Variants in MPO observed in about 807,000 individuals in gnomAD.
MPO encodes myeloperoxidase.
MPO carries 57 observed loss-of-function variants against 69.4 expected under a neutral mutation model. That is an observed-to-expected ratio of 0.82 (90% CI 0.66 to 1.02). The LOEUF is 1.02. Among genes scored for constraint, MPO ranks in the 50% least tolerant of loss-of-function variants. MPO has a pLI of 0.00. For missense variants in MPO, 971 were observed against 1,014.1 expected (o/e 0.96, Z 0.58); for synonymous variants, 426 against 417.1 (o/e 1.02, Z -0.26).
In MPO at chr17:58,275,392, GGT is replaced by G; in HGVS notation, c.1365+148_1365+149del. 1.0e-6 allele frequency: 1 copy of G among 966,118 alleles called. No individual in the cohort carries two copies. Among genetic ancestry groups the G allele is most frequent in the African/African-American group, 1.6e-5 (1 of 62,018 alleles). The allele number at this position is 966,118 out of a possible 1,614,324, so 59.8% of individuals were successfully genotyped here. A position where few individuals can be genotyped will look rare whatever the true frequency, so the allele number is the denominator to read the frequency against. ...TTTGTCAAGCACTTACTATCTGAAAGGTGTTTTCATATATGTATTATAATCCT... is the reference window on the plus strand; with the variant it reads ...TTTGTCAAGCACTTACTATCTGAAAGGTTTTCATATATGTATTATAATCCT... On this transcript the variant is annotated intron_variant, in intron 8 of 11. Transcript: ENST00000225275. This position sits in a 1 kb window ranked among gnomAD's most constrained non-coding sequence, Gnocchi z 4.1.
In MPO at chr17:58,270,381, A is replaced by G. The variant is rs908362662; in HGVS notation, c.*275T>C. On this transcript the variant is annotated 3_prime_UTR_variant, in exon 12 of 12. Coordinates refer to ENST00000225275, the MANE Select transcript of MPO (RefSeq NM_000250.2). The surrounding 1 kb of genome is among the most constrained non-coding windows in gnomAD (Gnocchi z 4.1). ...TCACCAGTCCGCTCTGCTGCCTTCC[A>G]CATACTCAGTATTCTCATCAGCACA... 25 of 467,996 alleles carry G rather than the reference A, an allele frequency of 5.3e-5. No homozygotes were observed. Among genetic ancestry groups the G allele is most frequent in the African/African-American group, 4.3e-4 (22 of 51,042 alleles). The allele number at this position is 467,996 out of a possible 1,614,324, so 29.0% of individuals were successfully genotyped here.
intron 11 of MPO, among the ~76,000 whole-genome samples, 176 bp from the exon 12 acceptor site, chr17:58,271,039 T>A (rs558446572): frequency 6.6e-6 from 1 of 152,254 alleles, no homozygotes; most frequent in East Asian, 1.9e-4. Flanking sequence ...GATGCTCCAC[T>A]CATCGTGCAG....
chr17:58,278,068 C>A lies in MPO; in HGVS notation c.963G>T (p.Gly321=). 6.2e-7 allele frequency: 1 copy of A among 1,612,260 alleles called. No homozygotes were observed. Among genetic ancestry groups the A allele is most frequent in the East Asian group, 2.2e-5 (1 of 44,878 alleles). The part of the protein sequence containing the change: ...PFFRSCPACP[G]SNITIRNQIN... ...TCTGGTTGCGGATGGTGATGTTGCT[C>A]CCGGGGCAAGCCGGGCAGGAGCGGA... The change falls in exon 7 of 12, where the codon GGG becomes GGT. Residue 321 remains glycine (G), a synonymous_variant. Transcript: ENST00000225275.
At chr17:58,278,934 C>G in intron 6 of MPO, 74 bp downstream of exon 6, 1 of 1,499,196 alleles carries the variant, frequency 6.7e-7, no homozygotes, top group Non-Finnish European at 9.0e-7. Flanking sequence ...AACCTGGGCA[C>G]AGAAGGGAGA....
chr17:58,272,801 C>G lies in MPO; in HGVS notation c.1739G>C (p.Gly580Ala). 6.2e-7 allele frequency: 1 copy of G among 1,614,162 alleles called. No individual in the cohort carries two copies. Among genetic ancestry groups the G allele is most frequent in the Non-Finnish European group, 8.5e-7 (1 of 1,180,042 alleles). The change falls in exon 10 of 12, where the codon GGG (glycine) becomes GCG (alanine). Residue 580 changes from glycine (G) to alanine (A), a missense_variant. Transcript: ENST00000225275. ...CATGTTCAGAGCAGGCAGGTCCAGCCCAATCCTCATGACCTGCTCAAACAA... is the reference window on the plus strand; with the variant it reads ...CATGTTCAGAGCAGGCAGGTCCAGCGCAATCCTCATGACCTGCTCAAACAA... ...ERLFEQVMRI[G>A]LDLPALNMQR... is the part of the protein sequence containing the mutation.
chr17:58,280,171 C>G, intron 2 of MPO, 157 bp from the exon 3 acceptor site: 2 of 1,079,522 alleles, frequency 1.9e-6, no homozygotes, highest in South Asian at 2.7e-5. Flanking sequence ...GGTGTCCAGA[C>G]AGAGGCAAGG....
In MPO at chr17:58,271,650, C is replaced by T; in HGVS notation, c.2030+5G>A. ...CAGCGGCCCACGACGCCTGCCCCTC[C>T]TCACCGATCACCATCCCGGAGCTTC... On this transcript the variant is annotated splice_donor_5th_base_variant and intron_variant, in intron 11 of 11. Transcript: ENST00000225275. 1 of 1,613,698 alleles carries T rather than the reference C, an allele frequency of 6.2e-7. No individual in the cohort carries two copies. Among genetic ancestry groups the T allele is most frequent in the Non-Finnish European group, 8.5e-7 (1 of 1,179,994 alleles).
chr17:58,273,341 C>T, intron 9 of MPO, 73 bp downstream of exon 9: 2 of 1,610,916 alleles, frequency 1.2e-6, no homozygotes, highest in Non-Finnish European at 1.7e-6. Flanking sequence ...CACCCTAGCT[C>T]CCTAGAGCCA....
rs768739218 is a variant in MPO, at chr17:58,279,388, A to G, written c.587T>C (p.Val196Ala). 3 of 1,605,696 alleles carry G rather than the reference A, an allele frequency of 1.9e-6. No homozygotes were observed. The highest frequency in any genetic ancestry group is 1.3e-5 in the African/African-American group (1 of 74,974). The change falls in exon 5 of 12, where the codon GTG becomes GCG. Residue 196 changes from valine (V) to alanine (A), a missense_variant. Val to Ala is a moderately conservative substitution (Grantham distance 64, BLOSUM62 0). Transcript: ENST00000225275. ...CTCATACTCCGCCGGCAGCCAGCGCACAAAGGCACGGTTGGAGGCCCCCAG... is the reference window on the plus strand; with the variant it reads ...CTCATACTCCGCCGGCAGCCAGCGCGCAAAGGCACGGTTGGAGGCCCCCAG... ...PTLGASNRAF[V>A]RWLPAEYEDG...
intron 8 of MPO, among the ~76,000 whole-genome samples, chr17:58,273,885 T>A (rs531670280): frequency 4.2e-4 from 64 of 152,306 alleles, no homozygotes; most frequent in Non-Finnish European, 7.6e-4. Flanking sequence ...GCTGGCTGGG[T>A]GACCTTGGAC....
chr17:58,274,180 C>T (rs1431179836), intron 8 of MPO: 2 of 501,316 alleles, frequency 4.0e-6, no homozygotes, highest in South Asian at 2.9e-5. Context: ...GAACGAAGGG[C>T]CATTCTGGCA....
rs566980622 is a variant in MPO, at chr17:58,280,587, C to T, written c.154+18G>A. On this transcript the variant is annotated intron_variant, in intron 1 of 11. Coordinates refer to ENST00000225275, the MANE Select transcript of MPO (RefSeq NM_000250.2). Reference sequence around the variant, plus strand: ...ACCACCCCAACACACCATCTTCTCCCACCTTGGGAACTGTTACCTGGAGCA... The same window carrying T: ...ACCACCCCAACACACCATCTTCTCCTACCTTGGGAACTGTTACCTGGAGCA... The T allele has an allele frequency of 3.7e-5, 60 of 1,614,200 alleles. No homozygotes were observed. The highest frequency in any genetic ancestry group is 2.8e-4 in the Admixed American group (17 of 60,030).
intron 2 of MPO, 158 bp from the exon 3 acceptor site, chr17:58,280,172 A>C: frequency 9.3e-7 from 1 of 1,076,108 alleles, no homozygotes; most frequent in South Asian, 1.4e-5. Flanking sequence ...GTGTCCAGAC[A>C]GAGGCAAGGC....
intron 6 of MPO, 92 bp downstream of exon 6, chr17:58,278,916 G>C: frequency 6.9e-7 from 1 of 1,442,438 alleles, no homozygotes; most frequent in Non-Finnish European, 9.4e-7. Flanking sequence ...TCAGCGTCTG[G>C]GAAAGGAAAC....
In MPO at chr17:58,275,009, T is replaced by A. The variant is rs1034416937; in HGVS notation, c.1365+533A>T. 2.6e-5 allele frequency among the ~76,000 whole-genome samples: 4 copies of A among 151,354 alleles called. No individual in the cohort carries two copies. Among genetic ancestry groups the A allele is most frequent in the Admixed American group, 1.3e-4 (2 of 15,200 alleles). On this transcript the variant is annotated intron_variant, in intron 8 of 11. Transcript: ENST00000225275. The surrounding 1 kb of genome is among the most constrained non-coding windows in gnomAD (Gnocchi z 4.1). ...CCTCCCAAGTAGCTGGGACTACAGGTGCCCGCCACCACGCCCGGCTAATTT... is the reference window on the plus strand; with the variant it reads ...CCTCCCAAGTAGCTGGGACTACAGGAGCCCGCCACCACGCCCGGCTAATTT...
At chr17:58,280,513 C>A in intron 1 of MPO, 54 bp from the exon 2 acceptor site, 3 of 1,612,212 alleles carry the variant, frequency 1.9e-6, no homozygotes, top group Non-Finnish European at 2.5e-6. Flanking sequence ...CCCTATCAGG[C>A]CCCAGAGCTA....
intron 7 of MPO, among the ~76,000 whole-genome samples, chr17:58,276,953 A>C (rs2143975844): frequency 6.6e-6 from 1 of 152,258 alleles, no homozygotes; most frequent in South Asian, 2.1e-4. Context: ...CTAAAAATAC[A>C]AAAAATTAGC....
At position 58,270,920 on chromosome 17, in the gene MPO, A is replaced by G. The variant is rs1413562048; in HGVS notation, c.2031-57T>C. The G allele has an allele frequency of 6.3e-7, 1 of 1,585,970 alleles. No homozygotes were observed. The highest frequency in any genetic ancestry group is 8.6e-7 in the Non-Finnish European group (1 of 1,156,722). ...CAAGGATATTCTGGGCTGGCAGGGC[A>G]TCGATGGGCTTGTGCTGCTCCCAGG... On this transcript the variant is annotated intron_variant, in intron 11 of 11. Coordinates refer to ENST00000225275, the MANE Select transcript of MPO (RefSeq NM_000250.2). This position sits in a 1 kb window ranked among gnomAD's most constrained non-coding sequence, Gnocchi z 4.1.
chr17:58,277,634 TTGCTTTTC>T, intron 7 of MPO, 185 bp downstream of exon 7: 1 of 799,234 alleles, frequency 1.3e-6, no homozygotes, highest in East Asian at 2.7e-5. Flanking sequence ...GAGAGGTTGT[TTGCTTTTC>T]TGCTTTTCTG....
Sources: gnomAD v4.1 joint callset for allele counts (sites outside exome capture counted in the v4.1 genomes callset) on GRCh38, gnomAD v4.1.1 for gene constraint, Gnocchi (gnomAD v3.1) non-coding constraint, MANE v1.5 for transcripts, NCBI Gene and HGNC (gene_info 2026-07-23, HGNC 2026-07-21) for gene names.